METTL15: variants seen among roughly 807,000 people sequenced by gnomAD.
METTL15 encodes methyltransferase 15, mitochondrial 12S rRNA N4-cytidine, also known as 12S rRNA N(4)-cytidine methyltransferase METTL15.
A neutral mutation model predicts 38.3 loss-of-function variants in METTL15; 34 were observed. The ratio of observed to expected loss-of-function variants is 0.89; its 90% CI spans 0.68 to 1.18. METTL15 has a LOEUF of 1.18. Among genes scored for constraint, METTL15 ranks in the 50% most tolerant of loss-of-function variants. The pLI is 0.00. For missense variants in METTL15, 438 were observed against 498.4 expected, an observed-to-expected ratio of 0.88 and a Z score of 1.15; for synonymous variants, 162 against 170.9, an observed-to-expected ratio of 0.95 and a Z score of 0.41.
At chr11:28,214,120 G>T (rs1384462831) in intron 4 of METTL15, among the ~76,000 whole-genome samples, 2 of 151,836 alleles carry the variant, frequency 1.3e-5, no homozygotes, top group Non-Finnish European at 2.9e-5. Flanking sequence ...ATAGCTTACT[G>T]CAGCCTCTGC....
intron 6 of METTL15, among the ~76,000 whole-genome samples, chr11:28,458,254 A>C (rs1354779684): frequency 6.6e-6 from 1 of 152,230 alleles, no homozygotes; most frequent in Non-Finnish European, 1.5e-5. Context: ...AGATTGCAGA[A>C]ATGGACAAAT....
At chr11:28,148,488 A>G (rs2133680714) in intron 3 of METTL15, among the ~76,000 whole-genome samples, 1 of 151,900 alleles carries the variant, frequency 6.6e-6, no homozygotes, top group South Asian at 2.1e-4. Context: ...TCTGGACTCA[A>G]CTTATTTACT....
At position 28,243,345 on chromosome 11, in the gene METTL15, T is replaced by C. The variant is rs537033514; in HGVS notation, c.407+32147T>C. Among the ~76,000 whole-genome samples, 3 of 152,270 alleles carry C rather than the reference T, an allele frequency of 2.0e-5. No homozygotes were observed. The South Asian group carries it at 6.2e-4, about 32-fold the overall frequency. On this transcript the variant is annotated intron_variant, in intron 4 of 6. Transcript: ENST00000407364. ...TACCTTTTTCCTTAGCAATAGAAGT[T>C]CATGCAGTGTAATATTTGGTGAAAT...
intron 4 of METTL15, among the ~76,000 whole-genome samples, chr11:28,222,498 T>G (rs554381183): frequency 1.3e-5 from 2 of 152,220 alleles, no homozygotes; most frequent in Non-Finnish European, 2.9e-5. Flanking sequence ...CCCTTGCACT[T>G]CTGGGGTGAG....
intron 6 of METTL15, among the ~76,000 whole-genome samples, chr11:28,444,392 A>T (rs1465776524): frequency 1.3e-5 from 2 of 152,216 alleles, no homozygotes; most frequent in Non-Finnish European, 2.9e-5. Flanking sequence ...TAAATAAAAG[A>T]TTAATCCAAC....
At chr11:28,161,113 TTTTTTTTTTTTTTG>T (rs1218819907) in intron 3 of METTL15, among the ~76,000 whole-genome samples, 1 of 60,294 alleles carries the variant, frequency 1.7e-5, no homozygotes, top group African/African-American at 1.5e-4. Context: ...CTTCCTTTTT[TTTTTTTTTTTTTTG>T]TTTTTTGTTT....
chr11:28,379,791 C>T (rs1035725797), intron 5 of METTL15, among the ~76,000 whole-genome samples: 1 of 152,040 alleles, frequency 6.6e-6, no homozygotes. Context: ...ATGACCTGTC[C>T]CTTACTGAGC....
intron 3 of METTL15, chr11:28,134,788 G>A (rs1048887887): frequency 5.4e-5 from 21 of 389,442 alleles, no homozygotes; most frequent in Non-Finnish European, 9.1e-5. Context: ...AGGGGTTAAG[G>A]ACTGCTCAAA....
At chr11:28,299,807 G>A (rs1377303582) in intron 6 of METTL15, among the ~76,000 whole-genome samples, 4 of 152,118 alleles carry the variant, frequency 2.6e-5, no homozygotes, top group Non-Finnish European at 5.9e-5. Context: ...CTGAAATCAA[G>A]ATGTTAGAAG....
At chr11:28,430,341 C>T (rs866846452) in intron 6 of METTL15, among the ~76,000 whole-genome samples, 30 of 67,078 alleles carry the variant, frequency 4.5e-4, no homozygotes, top group African/African-American at 1.3e-3. Flanking sequence ...GTCAGCCCCC[C>T]GCCCGGCCAG....
intron 3 of METTL15, among the ~76,000 whole-genome samples, chr11:28,169,723 A>G (rs941420274): frequency 3.3e-5 from 5 of 152,172 alleles, no homozygotes; most frequent in African/African-American, 1.2e-4. Flanking sequence ...TCATAAATCT[A>G]TGGCTATGTG....
chr11:28,143,879 A>G (rs916406245), intron 3 of METTL15, among the ~76,000 whole-genome samples: 3 of 152,188 alleles, frequency 2.0e-5, no homozygotes, highest in Admixed American at 6.5e-5. Flanking sequence ...ATCTCTTTTG[A>G]CATCTGACTG....
chr11:28,187,959 A>G (rs1342554280), intron 3 of METTL15, among the ~76,000 whole-genome samples: 2 of 151,294 alleles, frequency 1.3e-5, no homozygotes, highest in African/African-American at 4.8e-5. Flanking sequence ...GCTTGAGAAT[A>G]TATTATTTAA....
intron 4 of METTL15, among the ~76,000 whole-genome samples, chr11:28,256,377 C>T (rs1247983452): frequency 1.3e-5 from 2 of 152,130 alleles, no homozygotes; most frequent in African/African-American, 4.8e-5. Context: ...GCTTCAATCT[C>T]ATTACTTGTC....
intron 4 of METTL15, among the ~76,000 whole-genome samples, chr11:28,271,659 C>T (rs1565214939): frequency 1.3e-5 from 2 of 152,006 alleles, no homozygotes; most frequent in African/African-American, 2.4e-5. Context: ...GCCATTCTAT[C>T]CTTTTAAAAG....
intron 4 of METTL15, among the ~76,000 whole-genome samples, chr11:28,244,159 G>A (rs539343302): frequency 4.6e-5 from 7 of 152,280 alleles, no homozygotes; most frequent in African/African-American, 1.7e-4. Context: ...AATTATTTGT[G>A]CAGAATTCTA....
intron 4 of METTL15, among the ~76,000 whole-genome samples, chr11:28,279,875 G>A (rs1449976047): frequency 4.0e-5 from 6 of 150,940 alleles, no homozygotes; most frequent in Admixed American, 2.0e-4. Flanking sequence ...CTCCAGCCTG[G>A]GTGACAGGGC....
At chr11:28,140,918 A>T (rs972703098) in intron 3 of METTL15, among the ~76,000 whole-genome samples, 2 of 152,136 alleles carry the variant, frequency 1.3e-5, no homozygotes, top group Non-Finnish European at 2.9e-5. Flanking sequence ...TGGACCAAAC[A>T]AAGGTGGGAG....
intron 3 of METTL15, among the ~76,000 whole-genome samples, chr11:28,126,654 A>T (rs1852501229): frequency 2.0e-5 from 3 of 152,164 alleles, no homozygotes; most frequent in Admixed American, 2.0e-4. Flanking sequence ...AAATTAAACC[A>T]TTCTCTTATT....
Sources: allele counts gnomAD v4.1 joint callset (sites outside exome capture counted in the v4.1 genomes callset), GRCh38; gene constraint gnomAD v4.1.1; transcripts MANE v1.5; gene names NCBI Gene and HGNC (gene_info 2026-07-23, HGNC 2026-07-21).